GFRA1: variants seen among roughly 807,000 people sequenced by gnomAD.
GFRA1 encodes the protein GDNF family receptor alpha 1.
A neutral mutation model predicts 51.6 loss-of-function variants in GFRA1; 16 were observed. That is an observed-to-expected ratio of 0.31 (90% CI 0.21 to 0.47). GFRA1 has a LOEUF of 0.47. Among genes scored for constraint, GFRA1 ranks in the 20% least tolerant of loss-of-function variants. GFRA1 has a pLI of 1.00. For missense variants in GFRA1, 530 were observed against 594.3 expected (o/e 0.89, Z 1.13); for synonymous variants, 270 against 241.3 (o/e 1.12, Z -1.10).
chr10:116,117,557 G>GGGTGGATGGA lies in GFRA1; in HGVS notation c.770+7663_770+7664insTCCATCCACC, dbSNP rs1555152575. ...GATGGGTGGGTGGGTGGGTGGGTGT[G>GGGTGGATGGA]TGGATGGATGGATGGATGGATGGAT... On this transcript the variant is annotated intron_variant, in intron 6 of 10. Transcript: ENST00000355422. Among the ~76,000 whole-genome samples, 274 of 97,430 alleles carry GGGTGGATGGA rather than the reference G, an allele frequency of 2.8e-3. 4 individuals carry two copies. Among genetic ancestry groups the GGGTGGATGGA allele is most frequent in the African/African-American group, 1.0e-2 (238 of 23,820 alleles). The allele number at this position is 97,430 out of a possible 152,430, so 63.9% of individuals were successfully genotyped here.
At chr10:116,265,690 G>A (rs551017715) in intron 4 of GFRA1, among the ~76,000 whole-genome samples, 28 of 152,250 alleles carry the variant, frequency 1.8e-4, no homozygotes, top group African/African-American at 5.1e-4. Flanking sequence ...CATTGCGCAC[G>A]GTGGCTTCTG....
At chr10:116,234,303 G>A (rs923875924) in intron 4 of GFRA1, among the ~76,000 whole-genome samples, 2 of 152,154 alleles carry the variant, frequency 1.3e-5, no homozygotes, top group African/African-American at 4.8e-5. Context: ...CAGCATCTTG[G>A]GGATCTAGTG....
intron 6 of GFRA1, among the ~76,000 whole-genome samples, chr10:116,108,121 G>A (rs1038472912): frequency 2.0e-5 from 3 of 152,098 alleles, no homozygotes; most frequent in East Asian, 1.9e-4. Flanking sequence ...GCACAAGTTC[G>A]CTTTAAACAG....
intron 6 of GFRA1, among the ~76,000 whole-genome samples, chr10:116,100,508 C>G (rs1008985363): frequency 3.3e-5 from 5 of 152,098 alleles, no homozygotes; most frequent in African/African-American, 1.2e-4. Flanking sequence ...GATGCCCAGG[C>G]CACAAGATCA....
chr10:116,102,664 C>T (rs945339770), intron 6 of GFRA1, among the ~76,000 whole-genome samples: 1 of 152,132 alleles, frequency 6.6e-6, no homozygotes, highest in African/African-American at 2.4e-5. Context: ...AAGGGGTTTC[C>T]CCTTATGAAA....
At position 116,109,652 on chromosome 10, in the gene GFRA1, C is replaced by G. The variant is rs1453975861; in HGVS notation, c.771-12888G>C. On this transcript the variant is annotated intron_variant, in intron 6 of 10. Coordinates refer to ENST00000355422, the MANE Select transcript of GFRA1 (RefSeq NM_005264.8). ...CCCATACACTGAGAAGTAGGGCTCC[C>G]CGGGCCCACGGGGAGAAACCCGCAT... Among the ~76,000 whole-genome samples the G allele has an allele frequency of 3.3e-5, 5 of 152,218 alleles. No homozygotes were observed. In the East Asian group the frequency reaches 9.7e-4, roughly 30 times the overall value.
intron 5 of GFRA1, among the ~76,000 whole-genome samples, chr10:116,137,882 A>G (rs1589817453): frequency 6.6e-6 from 1 of 151,962 alleles, no homozygotes; most frequent in Admixed American, 6.6e-5. Context: ...GCTCACTGCA[A>G]CCTCCACTTC....
chr10:116,274,176 CG>C (rs1844136222), upstream of GFRA1, among the ~76,000 whole-genome samples: 1 of 143,808 alleles, frequency 7.0e-6, no homozygotes, highest in Non-Finnish European at 1.5e-5. Context: ...CCGCCCCCCA[CG>C]CCTGACACAC....
chr10:116,109,825 G>A lies in GFRA1; in HGVS notation c.771-13061C>T, dbSNP rs566623728. On this transcript the variant is annotated intron_variant, in intron 6 of 10. Coordinates refer to ENST00000355422, the MANE Select transcript of GFRA1 (RefSeq NM_005264.8). Reference sequence around the variant, plus strand: ...TGCAGAACCTTCCCAGAGCTGGTGGGCATGAGTGCCAATGTCAGGCCAAAT... The same window carrying A: ...TGCAGAACCTTCCCAGAGCTGGTGGACATGAGTGCCAATGTCAGGCCAAAT... Among the ~76,000 whole-genome samples, 8 of 152,264 alleles carry A rather than the reference G, an allele frequency of 5.3e-5. No individual in the cohort carries two copies. The South Asian group carries it at 1.5e-3, about 28-fold the overall frequency.
intron 9 of GFRA1, among the ~76,000 whole-genome samples, chr10:116,081,072 A>C (rs1405971339): frequency 1.3e-5 from 2 of 152,154 alleles, no homozygotes; most frequent in African/African-American, 4.8e-5. Flanking sequence ...CTGATAATAA[A>C]GTTGTAATCT....
At chr10:116,159,070 C>T (rs866705336) in intron 5 of GFRA1, among the ~76,000 whole-genome samples, 1 of 152,120 alleles carries the variant, frequency 6.6e-6, no homozygotes, top group Admixed American at 6.5e-5. Context: ...TAAAAAGTGC[C>T]AACATGCATC....
chr10:116,268,142 C>T (rs937087161), intron 4 of GFRA1, among the ~76,000 whole-genome samples: 4 of 152,044 alleles, frequency 2.6e-5, no homozygotes, highest in African/African-American at 9.7e-5. Flanking sequence ...TCAATGATGC[C>T]GGTATAAGAA....
chr10:116,205,453 T>A (rs999400946), intron 5 of GFRA1, among the ~76,000 whole-genome samples: 1 of 151,694 alleles, frequency 6.6e-6, no homozygotes, highest in African/African-American at 2.4e-5. Context: ...CACGTGCCTG[T>A]AATCCCAGAT....
intron 4 of GFRA1, among the ~76,000 whole-genome samples, chr10:116,241,288 G>A (rs1264654109): frequency 1.3e-5 from 2 of 152,084 alleles, no homozygotes; most frequent in Non-Finnish European, 2.9e-5. Context: ...CCATACTTTC[G>A]TCCAACTATC....
intron 4 of GFRA1, among the ~76,000 whole-genome samples, chr10:116,251,335 A>G (rs1968340877): frequency 1.3e-5 from 2 of 152,222 alleles, no homozygotes; most frequent in African/African-American, 4.8e-5. Context: ...GGCAGGTCAG[A>G]GCCAGAAAGT....
intron 5 of GFRA1, among the ~76,000 whole-genome samples, chr10:116,153,667 T>C (rs1040203944): frequency 2.6e-5 from 4 of 152,200 alleles, no homozygotes; most frequent in African/African-American, 9.6e-5. Flanking sequence ...TGAGAAACTA[T>C]ATTAATGACT....
chr10:116,262,040 A>T (rs1969339988), intron 4 of GFRA1, among the ~76,000 whole-genome samples: 1 of 152,218 alleles, frequency 6.6e-6, no homozygotes, highest in Non-Finnish European at 1.5e-5. Flanking sequence ...GTCCCAGAGA[A>T]CAAAAAACAA....
At position 116,210,334 on chromosome 10, in the gene GFRA1, A is replaced by G. The variant is rs181497313; in HGVS notation, c.433+1297T>C. Among the ~76,000 whole-genome samples, 4 of 152,204 alleles carry G rather than the reference A, an allele frequency of 2.6e-5. No individual in the cohort carries two copies. The East Asian group carries it at 7.7e-4, about 29-fold the overall frequency. ...TTTGTGTTTCAAGAGGAAAAATGCA[A>G]TTCAGTGTGGGGTTGCTTACATTCT... On this transcript the variant is annotated intron_variant, in intron 5 of 10. Transcript: ENST00000355422.
At chr10:116,271,516 G>T (rs1166844290) in intron 2 of GFRA1, among the ~76,000 whole-genome samples, 1 of 152,120 alleles carries the variant, frequency 6.6e-6, no homozygotes, top group Non-Finnish European at 1.5e-5. Flanking sequence ...GGAGAAGTGC[G>T]GCGGCGGACT....
Sources: allele counts gnomAD v4.1 joint callset (sites outside exome capture counted in the v4.1 genomes callset), GRCh38; gene constraint gnomAD v4.1.1; transcripts MANE v1.5; gene names NCBI Gene and HGNC (gene_info 2026-07-23, HGNC 2026-07-21).